The following SRCAP variants were observed in gnomAD, a reference collection of about 807,000 sequenced individuals.
SRCAP encodes Snf2 related CREBBP activator protein, also known as chromatin remodeling protein SRCAP.
Under a neutral mutation model 263.1 loss-of-function variants are expected in SRCAP, and 46 were observed. That is an observed-to-expected ratio of 0.17 (90% confidence interval 0.14 to 0.22). The LOEUF is 0.22. SRCAP is among the 10% of genes least tolerant of loss of function. SRCAP has a pLI of 1.00. For missense variants in SRCAP, 3,695 were observed against 4,181.9 expected (o/e 0.88, Z 3.21); for synonymous variants, 1,813 against 1,662.1 (o/e 1.09, Z -2.21).
rs1483830041 is a variant in SRCAP at position 30,713,411 on chromosome 16, G to C, written c.2300+34G>C. ...GGAGATGGGGATTCATGGGAGGGTT[G>C]ACTTGGCTAGAAGGGAGGGCTGCCT... On this transcript the variant is annotated intron_variant, in intron 15 of 33. Transcript: ENST00000262518. 3.1e-5 allele frequency: 50 copies of C among 1,613,470 alleles called. 1 individual carries two copies. The Admixed American group carries it at 8.2e-4, about 26-fold the overall frequency.
rs375261813 is a variant in SRCAP at position 30,739,603 on chromosome 16, G to A, written c.9563G>A (p.Arg3188His). 28 of 1,595,436 alleles carry A rather than the reference G, an allele frequency of 1.8e-5. No individual in the cohort carries two copies. The African/African-American group carries it at 2.7e-4, about 15-fold the overall frequency. ...GAGGAGGAAGGGGATGGGACCCCAC[G>A]CCGACGTCCTGGCCCCCGCCGGCTT... ...GEEEEGDGTP[R>H]RRPGPRRLVG... is the part of the protein sequence containing the mutation. The change falls in exon 34 of 34, where the codon CGC becomes CAC. Residue 3188 changes from arginine to histidine, a missense_variant. This residue lies in a region of SRCAP where 1,207 missense variants were observed against 1,142.9 expected (regional missense o/e 1.06). Coordinates refer to ENST00000262518, the MANE Select transcript of SRCAP (RefSeq NM_006662.3).
rs753715138 is a variant in SRCAP at position 30,724,425 on chromosome 16, G to T, written c.5001G>T (p.Pro1667=). The change falls in exon 25 of 34, where the codon CCG becomes CCT. Residue 1667 remains proline, a synonymous_variant. Transcript: ENST00000262518. ...CAACTCAAACTATGCTACCAGCCCC[G>T]GTTCCGTCACCTCTCCCGAGCCCGG... ...PSSTQTMLPA[P]VPSPLPSPAS... The T allele has an allele frequency of 1.2e-6, 2 of 1,614,128 alleles. No homozygotes were observed. Among genetic ancestry groups the T allele is most frequent in the East Asian group, 2.2e-5 (1 of 44,882 alleles).
In SRCAP at chr16:30,713,511, C is replaced by G; in HGVS notation, c.2301-8C>G. On this transcript the variant is annotated splice_region_variant and splice_polypyrimidine_tract_variant and intron_variant, in intron 15 of 33. Transcript: ENST00000262518. ...ATACTCTCTCTGATTCTCTCTGTCT[C>G]TTTGCAGCCAGAGACGCCTGCTCCT... The G allele has an allele frequency of 6.2e-7, 1 of 1,613,842 alleles. No individual in the cohort carries two copies.
At chr16:30,721,534 TGA>T in intron 21 of SRCAP, 58 bp downstream of exon 21, 1 of 1,561,906 alleles carries the variant, frequency 6.4e-7, no homozygotes, top group Non-Finnish European at 8.6e-7. Flanking sequence ...CTCAGGACCA[TGA>T]GAGCATCAAA....
In SRCAP at chr16:30,720,834, A is replaced by G. The variant is rs756429759; in HGVS notation, c.3109A>G (p.Thr1037Ala). 5.0e-6 allele frequency: 8 copies of G among 1,613,236 alleles called. No individual in the cohort carries two copies. In the Admixed American group the frequency reaches 8.3e-5, roughly 17 times the overall value. The change falls in exon 20 of 34, where the codon ACC becomes GCC. Residue 1037 changes from threonine to alanine, a missense_variant. Thr to Ala is a moderately conservative substitution (Grantham distance 58, BLOSUM62 0). Around this residue, in one of 12 missense-constraint regions of SRCAP, gnomAD observed 1,347 missense variants for 1,304.4 expected, o/e 1.03. Coordinates refer to ENST00000262518, the MANE Select transcript of SRCAP (RefSeq NM_006662.3). Reference protein sequence around the residue: ...PPGPELSAQPTPGPVPQVLPA... With the variant: ...PPGPELSAQPAPGPVPQVLPA... The stretch of plus-strand genomic sequence containing the variant: ...AGGTCCTGAGCTCTCAGCCCAGCCC[A>G]CCCCTGGCCCAGTCCCCCAAGTGCT...
intron 16 of SRCAP, among the ~76,000 whole-genome samples, chr16:30,714,507 C>T (rs867934577): frequency 1.9e-4 from 19 of 99,986 alleles, no homozygotes; most frequent in East Asian, 9.3e-4. Flanking sequence ...CCGTGCCGGG[C>T]TTTTTTTTTT....
rs746259351 is a variant in SRCAP at position 30,737,145 on chromosome 16, G to A, written c.7105G>A (p.Glu2369Lys). 13 of 1,613,988 alleles carry A rather than the reference G, an allele frequency of 8.1e-6. No homozygotes were observed. The highest frequency in any genetic ancestry group is 1.7e-5 in the Admixed American group (1 of 59,998). Residue 2369 changes from glutamate to lysine, a missense_variant, in exon 34 of 34, where the codon GAG (glutamate) becomes AAG (lysine). By Grantham distance (56) the Glu-to-Lys change is moderately conservative (BLOSUM62 1). This residue lies in a region of SRCAP where 1,207 missense variants were observed against 1,142.9 expected (regional missense o/e 1.06). Coordinates refer to ENST00000262518, the MANE Select transcript of SRCAP (RefSeq NM_006662.3). ...EEEEGPGAGDESSCGTGGGTH... is the reference protein window; with the variant it reads ...EEEEGPGAGDKSSCGTGGGTH... ...GGAGGAGGGGCCGGGGGCTGGGGATGAGAGTTCCTGTGGGACTGGTGGAGG... is the reference window on the plus strand; with the variant it reads ...GGAGGAGGGGCCGGGGGCTGGGGATAAGAGTTCCTGTGGGACTGGTGGAGG...
intron 16 of SRCAP, among the ~76,000 whole-genome samples, chr16:30,715,530 A>G (rs999787661): frequency 6.6e-6 from 1 of 151,092 alleles, no homozygotes; most frequent in East Asian, 1.9e-4. Context: ...GCGCCACTGC[A>G]CTCCAGCCTG....
intron 13 of SRCAP, 40 bp downstream of exon 13, chr16:30,712,479 A>G (rs1399764571): frequency 5.2e-6 from 8 of 1,539,138 alleles, no homozygotes; most frequent in East Asian, 2.3e-5. Flanking sequence ...CCCCTAGTCT[A>G]GCTCCCTGGG....
At chr16:30,726,930 G>A (rs766935598) in intron 25 of SRCAP, among the ~76,000 whole-genome samples, 1 of 152,134 alleles carries the variant, frequency 6.6e-6, no homozygotes, top group Non-Finnish European at 1.5e-5. Context: ...TCGAACTCCT[G>A]ACCTCAGGTG....
chr16:30,718,419 TG>T, intron 18 of SRCAP, among the ~76,000 whole-genome samples: 1 of 151,756 alleles, frequency 6.6e-6, no homozygotes, highest in Non-Finnish European at 1.5e-5. Flanking sequence ...TCAGGTGATC[TG>T]TCCACCTCGG....
In SRCAP at chr16:30,739,666, G is replaced by A. The variant is rs866072771; in HGVS notation, c.9626G>A (p.Arg3209His). The A allele has an allele frequency of 4.4e-6, 7 of 1,574,136 alleles. No homozygotes were observed. Among genetic ancestry groups the A allele is most frequent in the East Asian group, 4.6e-5 (2 of 43,134 alleles). Residue 3209 changes from arginine to histidine, a missense_variant, in exon 34 of 34, where the codon CGC becomes CAC. Physicochemically the swap from Arg to His is conservative, Grantham distance 29 (BLOSUM62 0). Around this residue, in one of 12 missense-constraint regions of SRCAP, gnomAD observed 1,207 missense variants for 1,142.9 expected, o/e 1.06. Coordinates refer to ENST00000262518, the MANE Select transcript of SRCAP (RefSeq NM_006662.3). ...AACCAAGGGGACCAGCGCATCCTGC[G>A]CAGCAGCGCCCCTCCCTCCCTGGCT... ...TTNQGDQRIL[R>H]SSAPPSLAGP...
At chr16:30,730,047 A>G (rs1031035975) in intron 27 of SRCAP, among the ~76,000 whole-genome samples, 1 of 152,218 alleles carries the variant, frequency 6.6e-6, no homozygotes, top group Non-Finnish European at 1.5e-5. Flanking sequence ...GATCACAGGC[A>G]TGAGCCACCA....
At chr16:30,712,468 C>A in intron 13 of SRCAP, 29 bp downstream of exon 13, 1 of 1,546,482 alleles carries the variant, frequency 6.5e-7, no homozygotes, top group South Asian at 1.2e-5. Context: ...TTCTTTTGTT[C>A]CCCCTAGTCT....
Position 30,724,424 on chromosome 16 carries a change from C to T in SRCAP, c.5000C>T (p.Pro1667Leu), listed in dbSNP as rs567705675. The change falls in exon 25 of 34, where the codon CCG becomes CTG. Residue 1667 changes from proline (P) to leucine (L), a missense_variant. Physicochemically the swap from Pro to Leu is moderately conservative, Grantham distance 98. Coordinates refer to ENST00000262518, the MANE Select transcript of SRCAP (RefSeq NM_006662.3). Reference protein sequence around the residue: ...PSSTQTMLPAPVPSPLPSPAS... With the variant: ...PSSTQTMLPALVPSPLPSPAS... ...TCAACTCAAACTATGCTACCAGCCCCGGTTCCGTCACCTCTCCCGAGCCCG... is the reference window on the plus strand; with the variant it reads ...TCAACTCAAACTATGCTACCAGCCCTGGTTCCGTCACCTCTCCCGAGCCCG... 2.7e-5 allele frequency: 43 copies of T among 1,614,208 alleles called. No homozygotes were observed. The highest frequency in any genetic ancestry group is 2.2e-4 in the South Asian group (20 of 91,086).
In SRCAP at chr16:30,716,279, T is replaced by G; in HGVS notation, c.2631-14T>G. On this transcript the variant is annotated splice_polypyrimidine_tract_variant and intron_variant, in intron 17 of 33. Transcript: ENST00000262518. ...GCTGTTAGGACGTCTCATTTATTTT[T>G]CCTCTTTCCCCAGAACTAAGGAGAC... The G allele has an allele frequency of 1.2e-6, 2 of 1,613,508 alleles. No homozygotes were observed. The highest frequency in any genetic ancestry group is 1.7e-6 in the Non-Finnish European group (2 of 1,179,506).
At chr16:30,705,239 G>T (rs563378876) in intron 4 of SRCAP, among the ~76,000 whole-genome samples, 117 of 152,210 alleles carry the variant, frequency 7.7e-4, no homozygotes, top group Middle Eastern at 6.8e-3. Flanking sequence ...ACCGGAGGTT[G>T]CAGTGACCTG....
chr16:30,712,194 T>G (rs766059617), intron 12 of SRCAP, 37 bp downstream of exon 12: 7 of 1,604,630 alleles, frequency 4.4e-6, no homozygotes, highest in Non-Finnish European at 6.0e-6. Context: ...TCTCATGTCT[T>G]GACTTTCTCA....
At chr16:30,730,338 C>CTCTTAAACCACAAGAGCATTT (rs11268096) in intron 27 of SRCAP, among the ~76,000 whole-genome samples, 1 of 152,158 alleles carries the variant, frequency 6.6e-6, no homozygotes. Context: ...AACTAACAGT[C>CTCTTAAACCACAAGAGCATTT]ATTGTTTTCT....
Sources: gnomAD v4.1 joint callset for allele counts (sites outside exome capture counted in the v4.1 genomes callset) on GRCh38, gnomAD v4.1.1 for gene constraint, gnomAD v4.1.1 regional missense constraint, MANE v1.5 for transcripts, NCBI Gene and HGNC (gene_info 2026-07-23, HGNC 2026-07-21) for gene names.